C10orf67: variants seen among roughly 807,000 people sequenced by gnomAD.
C10orf67 encodes the protein uncharacterized protein C10orf67, mitochondrial.
A neutral mutation model predicts 35.6 loss-of-function variants in C10orf67; 60 were observed. The ratio of observed to expected loss-of-function variants is 1.68; its 90% CI spans 1.37 to 2.09. The LOEUF is 2.09. Among genes scored for constraint, C10orf67 ranks in the 30% most tolerant of loss-of-function variants. C10orf67 has a pLI of 0.00. For missense variants in C10orf67, 474 were observed against 330.2 expected (o/e 1.44, Z -3.38); for synonymous variants, 167 against 115.8 (o/e 1.44, Z -2.84).
intron 13 of C10orf67, among the ~76,000 whole-genome samples, chr10:23,238,847 T>C (rs1262139123): frequency 1.3e-5 from 2 of 152,194 alleles, no homozygotes; most frequent in African/African-American, 4.8e-5. Flanking sequence ...AAATCAAGTA[T>C]TAAAATCCTC....
At chr10:23,343,110 G>T (rs554542791) in intron 1 of C10orf67, among the ~76,000 whole-genome samples, 1 of 152,360 alleles carries the variant, frequency 6.6e-6, no homozygotes, top group South Asian at 2.1e-4. Flanking sequence ...TTTTAAACAA[G>T]GATCAAGGAA....
rs189851247 is a variant in C10orf67 at position 23,223,153 on chromosome 10, C to T, written c.1570+445G>A. On this transcript the variant is annotated intron_variant, in intron 15 of 15. Coordinates refer to ENST00000636213, the MANE Select transcript of C10orf67 (RefSeq NM_001371909.1). ...GGAGTACAGTGGCTTGATCTTGGCTCACTGCAGCCTTGACCTCCTGGGCTC... is the reference window on the plus strand; with the variant it reads ...GGAGTACAGTGGCTTGATCTTGGCTTACTGCAGCCTTGACCTCCTGGGCTC... Among the ~76,000 whole-genome samples, 66 of 152,182 alleles carry T rather than the reference C, an allele frequency of 4.3e-4. No individual in the cohort carries two copies. The East Asian group carries it at 9.3e-3, about 21-fold the overall frequency.
chr10:23,202,692 AG>A (rs1418263846), downstream of C10orf67: 1 of 152,180 alleles, frequency 6.6e-6, no homozygotes, highest in Non-Finnish European at 1.5e-5. Flanking sequence ...CAATACATCC[AG>A]GGTTCTGTGG....
chr10:23,287,195 T>G lies in C10orf67; in HGVS notation c.909+2705A>C, dbSNP rs534349978. On this transcript the variant is annotated intron_variant, in intron 7 of 15. Transcript: ENST00000636213. ...CAATCCTAAGCAAAAAGAACAAAGT[T>G]GGAGGCATCACACTACCTAACTTCA... Among the ~76,000 whole-genome samples, 5 of 152,312 alleles carry G rather than the reference T, an allele frequency of 3.3e-5. 1 individual carries two copies. The highest frequency in any genetic ancestry group is 1.2e-4 in the African/African-American group (5 of 41,570).
At chr10:23,306,531 A>G (rs891636794) in intron 4 of C10orf67, among the ~76,000 whole-genome samples, 2 of 114,798 alleles carry the variant, frequency 1.7e-5, no homozygotes, top group South Asian at 3.0e-4. Context: ...TCCATCTCAG[A>G]AAAAAAAAAA....
chr10:23,322,572 C>T, intron 2 of C10orf67, 35 bp from the exon 3 acceptor site: 1 of 1,446,738 alleles, frequency 6.9e-7, no homozygotes, highest in Non-Finnish European at 9.5e-7. Flanking sequence ...AGCGAAGTAA[C>T]ACAGGAACAG....
At chr10:23,328,993 C>CAAAAAAAAAAATAAAAAAAAA (rs1845309202) in intron 2 of C10orf67, among the ~76,000 whole-genome samples, 1 of 78,732 alleles carries the variant, frequency 1.3e-5, no homozygotes, top group East Asian at 3.8e-4. Context: ...CATAAACGAA[C>CAAAAAAAAAAATAAAAAAAAA]AAAAAAAAAA....
In C10orf67 at chr10:23,284,695, C is replaced by CCAAA. The variant is rs72488870; in HGVS notation, c.910-2621_910-2618dup. On this transcript the variant is annotated intron_variant, in intron 7 of 15. Coordinates refer to ENST00000636213, the MANE Select transcript of C10orf67 (RefSeq NM_001371909.1). ...AGCAAGACCTTATCTCAAAAAACCC[C>CCAAA]CAAACAAACAAACAAACAAACAAAC... is the stretch of plus-strand genomic sequence containing the variant. 3.0e-3 allele frequency among the ~76,000 whole-genome samples: 461 copies of CCAAA among 151,268 alleles called. 5 individuals are homozygous for CCAAA. Among genetic ancestry groups the CCAAA allele is most frequent in the African/African-American group, 8.1e-3 (335 of 41,178 alleles).
At chr10:23,253,717 A>C (rs2132164960) in intron 10 of C10orf67, among the ~76,000 whole-genome samples, 1 of 152,320 alleles carries the variant, frequency 6.6e-6, no homozygotes, top group Non-Finnish European at 1.5e-5. Flanking sequence ...TCAATTTTTA[A>C]GGCTCCCTTT....
chr10:23,303,329 T>C lies in C10orf67; in HGVS notation c.677A>G (p.Tyr226Cys). The change falls in exon 5 of 16, where the codon TAT (tyrosine) becomes TGT (cysteine). Residue 226 changes from tyrosine to cysteine, a missense_variant. Transcript: ENST00000636213. Reference protein sequence around the residue: ...IKELKEELDQYKDFGFHKMES... With the variant: ...IKELKEELDQCKDFGFHKMES... ...CATTTTGTGAAATCCAAAATCTTTA[T>C]ATTGGTCTAGTTCTTCTTTTAATTC... 1.7e-6 allele frequency: 1 copy of C among 581,804 alleles called. No homozygotes were observed. The highest frequency in any genetic ancestry group is 3.1e-6 in the Non-Finnish European group (1 of 325,678). The allele number at this position is 581,804 out of a possible 1,614,324, so 36.0% of individuals were successfully genotyped here. A position where few individuals can be genotyped will look rare whatever the true frequency, so the allele number is the denominator to read the frequency against.
intron 2 of C10orf67, among the ~76,000 whole-genome samples, chr10:23,326,644 A>G (rs764975118): frequency 2.6e-5 from 4 of 152,178 alleles, no homozygotes; most frequent in Non-Finnish European, 5.9e-5. Context: ...TGTTTAAAGC[A>G]AACATCATGA....
At chr10:23,344,528 T>G in intron 1 of C10orf67, 41 bp downstream of exon 1, 2 of 1,541,236 alleles carry the variant, frequency 1.3e-6, no homozygotes, top group East Asian at 2.4e-5. Flanking sequence ...CCCTGGACCC[T>G]GCTCGCTTCC....
chr10:23,256,755 C>T (rs1434048396), intron 10 of C10orf67, among the ~76,000 whole-genome samples: 1 of 151,920 alleles, frequency 6.6e-6, no homozygotes, highest in African/African-American at 2.4e-5. Context: ...TGAAAGGAGT[C>T]TCTGTTGATG....
chr10:23,218,236 G>A (rs1245446444), intron 15 of C10orf67, among the ~76,000 whole-genome samples: 1 of 152,002 alleles, frequency 6.6e-6, no homozygotes, highest in Non-Finnish European at 1.5e-5. Flanking sequence ...ACCTCCCTGG[G>A]CTCAGGTGAT....
chr10:23,289,036 G>T (rs982790764), intron 7 of C10orf67, among the ~76,000 whole-genome samples: 1 of 152,108 alleles, frequency 6.6e-6, no homozygotes. Flanking sequence ...GCCACAATAG[G>T]GAAGTTTGCG....
chr10:23,274,826 T>G (rs1216257285), intron 8 of C10orf67, among the ~76,000 whole-genome samples: 2 of 152,182 alleles, frequency 1.3e-5, no homozygotes, highest in Admixed American at 6.5e-5. Context: ...GTATTAATTT[T>G]GGGAACTAAT....
chr10:23,318,256 T>C (rs529309023), intron 4 of C10orf67: 12 of 152,226 alleles, frequency 7.9e-5, no homozygotes, highest in Admixed American at 6.5e-4. Context: ...AGAGTCTACA[T>C]GGCTGGCAGC....
At chr10:23,256,398 A>G (rs1392648265) in intron 10 of C10orf67, among the ~76,000 whole-genome samples, 1 of 152,200 alleles carries the variant, frequency 6.6e-6, no homozygotes, top group African/African-American at 2.4e-5. Context: ...AAATCTAGAT[A>G]AACTACAAAA....
In C10orf67 at chr10:23,322,540, A is replaced by G. The variant is rs777184473; in HGVS notation, c.328-3T>C. 2 of 1,584,868 alleles carry G rather than the reference A, an allele frequency of 1.3e-6. No individual in the cohort carries two copies. The highest frequency in any genetic ancestry group is 2.2e-5 in the East Asian group (1 of 44,646). ...TCTACCTGGAGGGATTTCATCATCT[A>G]AAAATGGAAAATATTATCCTTAGCG... is the stretch of plus-strand genomic sequence containing the variant. On this transcript the variant is annotated splice_region_variant and splice_polypyrimidine_tract_variant and intron_variant, in intron 2 of 15. Coordinates refer to ENST00000636213, the MANE Select transcript of C10orf67 (RefSeq NM_001371909.1).
Sources: gnomAD v4.1 joint callset for allele counts (sites outside exome capture counted in the v4.1 genomes callset) on GRCh38, gnomAD v4.1.1 for gene constraint, MANE v1.5 for transcripts, NCBI Gene and HGNC (gene_info 2026-07-23, HGNC 2026-07-21) for gene names.